KCMF1: variants seen among roughly 807,000 people sequenced by gnomAD.
KCMF1 encodes E3 ubiquitin-protein ligase KCMF1.
KCMF1 carries 3 observed loss-of-function variants against 41.1 expected under a neutral mutation model. That is an observed-to-expected ratio of 0.07 (90% CI 0.03 to 0.19). The LOEUF (loss-of-function observed/expected upper bound fraction) is 0.19, where lower values mean the gene tolerates loss of function less well. Among genes scored for constraint, KCMF1 ranks in the 10% least tolerant of loss-of-function variants. The pLI is 1.00. For missense variants in KCMF1, 286 were observed against 488.9 expected, an observed-to-expected ratio of 0.58 and a Z score of 3.91; for synonymous variants, 142 against 164.5, an observed-to-expected ratio of 0.86 and a Z score of 1.04.
intron 6 of KCMF1, among the ~76,000 whole-genome samples, chr2:85,050,355 A>T (rs892524238): frequency 2.0e-5 from 3 of 152,216 alleles, no homozygotes; most frequent in African/African-American, 7.2e-5. Context: ...TTCATAATAC[A>T]GTGGCAGTTT....
chr2:85,008,328 A>G (rs1381135963), intron 1 of KCMF1, among the ~76,000 whole-genome samples: 2 of 94,378 alleles, frequency 2.1e-5, no homozygotes, highest in Non-Finnish European at 4.3e-5. Flanking sequence ...TATCATATAT[A>G]ATATATAATA....
At chr2:85,028,920 C>T (rs1675188171) in intron 2 of KCMF1, among the ~76,000 whole-genome samples, 1 of 152,104 alleles carries the variant, frequency 6.6e-6, no homozygotes, top group Non-Finnish European at 1.5e-5. Context: ...AAGAAATATG[C>T]TCTGTCTTTT....
At chr2:85,009,117 G>A (rs539374041) in intron 1 of KCMF1, among the ~76,000 whole-genome samples, 4 of 152,096 alleles carry the variant, frequency 2.6e-5, no homozygotes, top group Non-Finnish European at 5.9e-5. Flanking sequence ...TCATATGTCA[G>A]TGGGAGGTGA....
At chr2:85,009,461 A>T (rs1441644882) in intron 1 of KCMF1, among the ~76,000 whole-genome samples, 1 of 152,232 alleles carries the variant, frequency 6.6e-6, no homozygotes, top group African/African-American at 2.4e-5. Context: ...ATTGCTGTAC[A>T]GATGCCCTTT....
intron 2 of KCMF1, among the ~76,000 whole-genome samples, chr2:85,033,368 CTGTTT>C (rs1227493125): frequency 4.6e-5 from 7 of 152,164 alleles, no homozygotes; most frequent in African/African-American, 1.7e-4. Flanking sequence ...TTCTGTCTCT[CTGTTT>C]TATCTTAGTA....
At chr2:84,985,282 G>A (rs537361056) in intron 1 of KCMF1, among the ~76,000 whole-genome samples, 107 of 152,268 alleles carry the variant, frequency 7.0e-4, no homozygotes, top group Non-Finnish European at 1.1e-3. Flanking sequence ...TGAATGCTTT[G>A]AGAAACACAT....
At chr2:84,983,393 C>T (rs1673813156) in intron 1 of KCMF1, among the ~76,000 whole-genome samples, 1 of 151,698 alleles carries the variant, frequency 6.6e-6, no homozygotes, top group Non-Finnish European at 1.5e-5. Flanking sequence ...GGGGTGTGAT[C>T]GTACCTCACT....
intron 1 of KCMF1, among the ~76,000 whole-genome samples, chr2:85,026,139 C>A (rs1356434535): frequency 6.6e-6 from 1 of 151,866 alleles, no homozygotes; most frequent in African/African-American, 2.4e-5. Flanking sequence ...TACAGGCGCC[C>A]ACCACCACGC....
intron 6 of KCMF1, among the ~76,000 whole-genome samples, chr2:85,050,903 C>T (rs186948584): frequency 6.6e-5 from 10 of 152,352 alleles, no homozygotes; most frequent in African/African-American, 2.4e-4. Flanking sequence ...GCTAGAGCCC[C>T]AGCTTTGCCA....
intron 1 of KCMF1, among the ~76,000 whole-genome samples, chr2:85,020,390 G>T (rs1202928927): frequency 6.6e-6 from 1 of 152,124 alleles, no homozygotes; most frequent in African/African-American, 2.4e-5. Context: ...GATTAATTCA[G>T]TGTTATGCTT....
At chr2:85,006,683 C>G (rs1258192085) in intron 1 of KCMF1, among the ~76,000 whole-genome samples, 1 of 151,902 alleles carries the variant, frequency 6.6e-6, no homozygotes, top group African/African-American at 2.4e-5. Context: ...CCAGCCAGTT[C>G]TTTTCTTTGA....
intron 5 of KCMF1, 90 bp downstream of exon 5, chr2:85,046,368 A>C (rs1675667684): frequency 1.0e-6 from 1 of 976,438 alleles, no homozygotes; most frequent in East Asian, 2.6e-5. Flanking sequence ...GGTGGCTCAC[A>C]CCTTTAATCC....
At chr2:84,999,013 C>CCCACCCATCCATCCATCCACCCACCCAT (rs1674259933) in intron 1 of KCMF1, among the ~76,000 whole-genome samples, 1 of 115,120 alleles carries the variant, frequency 8.7e-6, no homozygotes, top group East Asian at 3.3e-4. Flanking sequence ...CACCCACCCA[C>CCCACCCATCCATCCATCCACCCACCCAT]CCACCCATCC....
chr2:85,050,369 C>T (rs1675778466), intron 6 of KCMF1, among the ~76,000 whole-genome samples: 1 of 151,986 alleles, frequency 6.6e-6, no homozygotes, highest in African/African-American at 2.4e-5. Flanking sequence ...GCAGTTTTCT[C>T]CTGTGAATTT....
chr2:84,984,938 G>C (rs1673863839), intron 1 of KCMF1, among the ~76,000 whole-genome samples: 2 of 152,242 alleles, frequency 1.3e-5, no homozygotes, highest in South Asian at 4.1e-4. Context: ...CCTTGCCTCA[G>C]CCTCCCAAAG....
chr2:84,974,682 TATATATATA>T (rs1416348502), intron 1 of KCMF1, among the ~76,000 whole-genome samples: 2 of 46,144 alleles, frequency 4.3e-5, no homozygotes, highest in Non-Finnish European at 8.2e-5. Flanking sequence ...TATATATATA[TATATATATA>T]TTTTTTTTTT....
intron 2 of KCMF1, among the ~76,000 whole-genome samples, chr2:85,032,522 G>A (rs1366786849): frequency 1.3e-5 from 2 of 151,920 alleles, no homozygotes; most frequent in African/African-American, 2.4e-5. Flanking sequence ...GACTACAGGC[G>A]TGCACCACCA....
intron 1 of KCMF1, among the ~76,000 whole-genome samples, chr2:85,003,137 TTG>T (rs1429019008): frequency 1.3e-5 from 2 of 152,190 alleles, no homozygotes; most frequent in African/African-American, 4.8e-5. Context: ...ATCACATGAA[TTG>T]TTTTATCCAA....
intron 1 of KCMF1, among the ~76,000 whole-genome samples, chr2:85,024,119 A>G (rs1361058509): frequency 6.6e-6 from 1 of 152,190 alleles, no homozygotes; most frequent in African/African-American, 2.4e-5. Flanking sequence ...TTTGTCTGTC[A>G]TGTATGTTGT....
Sources: allele counts gnomAD v4.1 joint callset (sites outside exome capture counted in the v4.1 genomes callset), GRCh38; gene constraint gnomAD v4.1.1; transcripts MANE v1.5; gene names NCBI Gene and HGNC (gene_info 2026-07-23, HGNC 2026-07-21).